ARHGEF18: variants seen among roughly 807,000 people sequenced by gnomAD.
ARHGEF18 encodes rho guanine nucleotide exchange factor 18.
A neutral mutation model predicts 155.7 loss-of-function variants in ARHGEF18; 93 were observed. The observed-to-expected ratio is 0.60, with a 90% CI of 0.50 to 0.71. ARHGEF18 has a LOEUF of 0.71. ARHGEF18 is among the 30% of genes least tolerant of loss of function. The probability of loss-of-function intolerance (pLI) is 0.00; values close to 1 mark genes in which losing one functional copy is unlikely to be tolerated. For missense variants in ARHGEF18, 1,593 were observed against 1,816.1 expected (o/e 0.88, Z 2.23); for synonymous variants, 742 against 753.1 (o/e 0.99, Z 0.24).
chr19:7,436,538 A>G lies in ARHGEF18; in HGVS notation c.968-3806A>G, dbSNP rs2145749220. Among the ~76,000 whole-genome samples the G allele has an allele frequency of 2.0e-5, 3 of 152,272 alleles. 1 individual carries two copies. The East Asian group carries it at 5.8e-4, about 29-fold the overall frequency. On this transcript the variant is annotated intron_variant, in intron 10 of 28. Transcript: ENST00000668164. ...AATGATCCACCCCGCTCGGCCTCCC[A>G]AAGTGCTGGGATTACAGGTGTGAGC...
Position 7,409,430 on chromosome 19 carries a change from C to CT in ARHGEF18, c.967+26243dup, listed in dbSNP as rs55893809. Among the ~76,000 whole-genome samples the CT allele has an allele frequency of 2.7e-3, 326 of 121,170 alleles. 10 individuals are homozygous for CT. The East Asian group carries it at 0.063, about 23-fold the overall frequency. 79.5% of individuals were successfully genotyped at this position (121,170 alleles called of 152,430 possible). On this transcript the variant is annotated intron_variant, in intron 10 of 28. Coordinates refer to ENST00000668164, the MANE Select transcript of ARHGEF18 (RefSeq NM_001367823.1). ...ATTAGATTGGAAACTAATGAAGAGT[C>CT]TTTTTTTTTTTTTTTTGAGTTGGAG...
intron 2 of ARHGEF18, among the ~76,000 whole-genome samples, chr19:7,372,534 C>A (rs1173510595): frequency 6.6e-6 from 1 of 151,818 alleles, no homozygotes; most frequent in Non-Finnish European, 1.5e-5. Flanking sequence ...AAGTGCTTTG[C>A]CAAGGCTAGA....
At chr19:7,360,782 T>C (rs1418215181) in intron 1 of ARHGEF18, among the ~76,000 whole-genome samples, 1 of 152,120 alleles carries the variant, frequency 6.6e-6, no homozygotes, top group South Asian at 2.1e-4. Flanking sequence ...TCCTCCTCCT[T>C]CACAGCCTGC....
At chr19:7,385,724 C>A (rs1232876130) in intron 10 of ARHGEF18, among the ~76,000 whole-genome samples, 1 of 151,816 alleles carries the variant, frequency 6.6e-6, no homozygotes, top group African/African-American at 2.4e-5. Context: ...GATTTGCCTG[C>A]CTTGGCCTCC....
chr19:7,400,091 A>G (rs1248996172), intron 10 of ARHGEF18, among the ~76,000 whole-genome samples: 1 of 152,140 alleles, frequency 6.6e-6, no homozygotes, highest in Non-Finnish European at 1.5e-5. Flanking sequence ...ATTTATGGTC[A>G]TATATTGAAA....
At chr19:7,372,700 G>A in intron 2 of ARHGEF18, 112 bp from the exon 3 acceptor site, 2 of 1,106,842 alleles carry the variant, frequency 1.8e-6, no homozygotes, top group Non-Finnish European at 2.3e-6. Flanking sequence ...GACAGGTAGG[G>A]GACAGGCAGG....
chr19:7,398,727 G>C (rs959666179), intron 10 of ARHGEF18, among the ~76,000 whole-genome samples: 1 of 146,804 alleles, frequency 6.8e-6, no homozygotes, highest in Non-Finnish European at 1.5e-5. Context: ...AAAGAAAAGA[G>C]ATTCTTTGGT....
chr19:7,469,183 C>G (rs1353200696), intron 27 of ARHGEF18, 52 bp downstream of exon 27: 2 of 1,494,056 alleles, frequency 1.3e-6, no homozygotes, highest in African/African-American at 2.8e-5. Flanking sequence ...ACTGGTCAGG[C>G]TCTAGCGGCT....
chr19:7,362,176 G>A (rs540946040), intron 1 of ARHGEF18, among the ~76,000 whole-genome samples: 4 of 116,934 alleles, frequency 3.4e-5, no homozygotes, highest in South Asian at 5.1e-4. Context: ...GGAGAAGAAG[G>A]AGAAGAAGGA....
At chr19:7,398,605 C>T (rs1048386913) in intron 10 of ARHGEF18, among the ~76,000 whole-genome samples, 3 of 151,240 alleles carry the variant, frequency 2.0e-5, no homozygotes, top group Admixed American at 6.6e-5. Flanking sequence ...GCAGGAGAAT[C>T]GCTTGAACCC....
intron 15 of ARHGEF18, 146 bp from the exon 16 acceptor site, chr19:7,451,003 C>CGTTTCCG (rs1975406838): frequency 1.5e-6 from 1 of 670,388 alleles, no homozygotes; most frequent in Non-Finnish European, 2.5e-6. Flanking sequence ...TCTTGCTGTC[C>CGTTTCCG]ATTTCCGAGA....
At chr19:7,399,605 C>T (rs1387279539) in intron 10 of ARHGEF18, among the ~76,000 whole-genome samples, 3 of 151,768 alleles carry the variant, frequency 2.0e-5, no homozygotes, top group African/African-American at 4.8e-5. Flanking sequence ...CTCAGCCTAC[C>T]GAGTAGCTGG....
At position 7,368,011 on chromosome 19, in the gene ARHGEF18, G is replaced by A. The variant is rs1340710024; in HGVS notation, c.16-4801G>A. ...AGAGAGAGAGAGAGAGGGAGGGAGG[G>A]AGGGAGGGCGGAAGGAAGGAAGGAA... On this transcript the variant is annotated intron_variant, in intron 2 of 28. Transcript: ENST00000668164. Among the ~76,000 whole-genome samples the A allele has an allele frequency of 1.9e-3, 172 of 89,132 alleles. 12 individuals carry two copies. The highest frequency in any genetic ancestry group is 6.2e-3 in the African/African-American group (162 of 26,232). The allele number at this position is 89,132 out of a possible 152,430, so 58.5% of individuals were successfully genotyped here.
chr19:7,414,204 C>G (rs989209645), intron 10 of ARHGEF18, among the ~76,000 whole-genome samples: 2 of 151,714 alleles, frequency 1.3e-5, no homozygotes, highest in Non-Finnish European at 2.9e-5. Context: ...CCATAGCAAC[C>G]AAAAATGTCT....
intron 26 of ARHGEF18, 89 bp downstream of exon 26, chr19:7,467,773 G>A (rs1428507696): frequency 1.2e-5 from 15 of 1,297,538 alleles, no homozygotes; most frequent in African/African-American, 1.6e-5. Context: ...CAGGGTTCGC[G>A]GGTGCATGCG....
chr19:7,475,277 C>T (rs775277647), downstream of ARHGEF18, among the ~76,000 whole-genome samples: 5 of 152,108 alleles, frequency 3.3e-5, no homozygotes, highest in Admixed American at 1.3e-4. Context: ...GGTCTGTTCC[C>T]AGCCCCTAAA....
intron 16 of ARHGEF18, 135 bp downstream of exon 16, chr19:7,451,401 T>G (rs1975457115): frequency 6.9e-6 from 4 of 580,384 alleles, no homozygotes; most frequent in South Asian, 2.3e-5. Context: ...CTGGGGTTCC[T>G]TCCTTTTTTT....
intron 10 of ARHGEF18, among the ~76,000 whole-genome samples, chr19:7,402,781 T>C (rs2145576144): frequency 6.6e-6 from 1 of 152,162 alleles, no homozygotes; most frequent in South Asian, 2.1e-4. Flanking sequence ...CCCTGCCATG[T>C]AGGACCACGT....
chr19:7,350,549 G>A (rs1299092544), intron 1 of ARHGEF18, among the ~76,000 whole-genome samples: 1 of 152,154 alleles, frequency 6.6e-6, no homozygotes, highest in Non-Finnish European at 1.5e-5. Flanking sequence ...TCTGGTCTGG[G>A]CTGTCTCCCA....
Sources: allele counts gnomAD v4.1 joint callset (sites outside exome capture counted in the v4.1 genomes callset), GRCh38; gene constraint gnomAD v4.1.1; transcripts MANE v1.5; gene names NCBI Gene and HGNC (gene_info 2026-07-23, HGNC 2026-07-21).